The following PIK3CB variants were observed in gnomAD, a reference collection of about 807,000 sequenced individuals.
PIK3CB encodes phosphatidylinositol-4,5-bisphosphate 3-kinase catalytic subunit beta.
In PIK3CB, 39 loss-of-function variants were observed where a neutral mutation model predicts 136.8. The observed-to-expected ratio is 0.29, with a 90% confidence interval of 0.22 to 0.37. PIK3CB has a LOEUF of 0.37. Ranked by LOEUF, PIK3CB falls within the 10% of genes least tolerant of loss-of-function variation. The probability of loss-of-function intolerance (pLI) is 1.00; values close to 1 mark genes in which losing one functional copy is unlikely to be tolerated. For synonymous variants in PIK3CB, 428 were observed against 436.6 expected, an observed-to-expected ratio of 0.98 and a Z score of 0.25; for missense variants, 868 against 1,275.4, an observed-to-expected ratio of 0.68 and a Z score of 4.87.
At chr3:138,670,587 G>A (rs1252706920) in intron 19 of PIK3CB, among the ~76,000 whole-genome samples, 1 of 152,158 alleles carries the variant, frequency 6.6e-6, no homozygotes, top group Non-Finnish European at 1.5e-5. Context: ...GTAACCAAGT[G>A]GCTGTGTGCC....
chr3:138,692,178 A>C (rs1370886495), intron 14 of PIK3CB, among the ~76,000 whole-genome samples: 1 of 152,234 alleles, frequency 6.6e-6, no homozygotes. Flanking sequence ...TAAGGTATGA[A>C]GCCCAAGTGC....
rs776654607 is a variant in PIK3CB at position 138,712,245 on chromosome 3, A to G, written c.1362T>C (p.Thr454=). ...ACCAGCTGTGTAATATTATGTCTCC[A>G]GTTCTCAATTGTCCTTTAAAGTCAA... The part of the protein sequence containing the change: ...MVFDFKGQLR[T]GDIILHSWSS... Residue 454 remains threonine, a synonymous_variant, in exon 10 of 24, where the codon ACT becomes ACC. Transcript: ENST00000674063. The G allele has an allele frequency of 1.6e-5, 25 of 1,583,648 alleles. No homozygotes were observed. The highest frequency in any genetic ancestry group is 2.1e-5 in the Non-Finnish European group (24 of 1,159,942).
chr3:138,671,506 G>A (rs957521441), intron 19 of PIK3CB, among the ~76,000 whole-genome samples: 3 of 151,998 alleles, frequency 2.0e-5, no homozygotes, highest in Non-Finnish European at 4.4e-5. Context: ...GGTTAAAAAA[G>A]AAAGAAAAAA....
rs2046017067 is a variant in PIK3CB at position 138,788,985 on chromosome 3, AAAAAAAAC to A, written c.-17+7470_-17+7477del. Reference sequence around the variant, plus strand: ...GTCTCAAAAAAAAAAAAAAAAAAAAAAAAAAAACAAAAAACAACACCACAGAGTTTTTT... The same window carrying A: ...GTCTCAAAAAAAAAAAAAAAAAAAAAAAAAAACAACACCACAGAGTTTTTT... On this transcript the variant is annotated intron_variant, in intron 2 of 23. Transcript: ENST00000674063. 2.7e-5 allele frequency among the ~76,000 whole-genome samples: 4 copies of A among 149,890 alleles called. 1 individual carries two copies. The highest frequency in any genetic ancestry group is 5.0e-5 in the African/African-American group (2 of 40,102).
At chr3:138,743,014 T>G (rs1228583784) in intron 4 of PIK3CB, among the ~76,000 whole-genome samples, 1 of 152,094 alleles carries the variant, frequency 6.6e-6, no homozygotes, top group Non-Finnish European at 1.5e-5. Flanking sequence ...AAAATACAAC[T>G]CAAAACCTCA....
intron 1 of PIK3CB, among the ~76,000 whole-genome samples, chr3:138,830,954 A>AAT (rs1559895937): frequency 2.0e-4 from 28 of 138,656 alleles, no homozygotes; most frequent in African/African-American, 5.9e-4. Flanking sequence ...ATAATAATAA[A>AAT]GCAGGAACTC....
chr3:138,653,542 T>A lies in PIK3CB; in HGVS notation c.*1847A>T, dbSNP rs1473490059. 5.5e-6 allele frequency: 1 copy of A among 183,152 alleles called. No individual in the cohort carries two copies. The highest frequency in any genetic ancestry group is 1.2e-5 in the Non-Finnish European group (1 of 86,110). The allele number at this position is 183,152 out of a possible 1,614,324, so 11.3% of individuals were successfully genotyped here. A position where few individuals can be genotyped will look rare whatever the true frequency, so the allele number is the denominator to read the frequency against. On this transcript the variant is annotated 3_prime_UTR_variant, in exon 24 of 24. Transcript: ENST00000674063. ...TTCTCCAAACCACTGACCTGCGGCCTGGTTCATGAAATGGTGGGTGGCTAC... is the reference window on the plus strand; with the variant it reads ...TTCTCCAAACCACTGACCTGCGGCCAGGTTCATGAAATGGTGGGTGGCTAC...
chr3:138,699,493 A>C (rs1263874482), intron 12 of PIK3CB, among the ~76,000 whole-genome samples: 2 of 152,122 alleles, frequency 1.3e-5, no homozygotes, highest in Non-Finnish European at 2.9e-5. Context: ...TTTACAAAAA[A>C]TACAAAATAC....
chr3:138,656,192 T>C lies in PIK3CB; in HGVS notation c.3025A>G (p.Thr1009Ala), dbSNP rs1405294816. 2 of 1,614,082 alleles carry C rather than the reference T, an allele frequency of 1.2e-6. No individual in the cohort carries two copies. Among genetic ancestry groups the C allele is most frequent in the South Asian group, 1.1e-5 (1 of 91,076 alleles). The change falls in exon 23 of 24, where the codon ACT becomes GCT. Residue 1009 changes from threonine to alanine, a missense_variant. Thr to Ala is a moderately conservative substitution (Grantham distance 58). This residue lies in a region of PIK3CB where 88 missense variants were observed against 147.8 expected (regional missense o/e 0.60). Transcript: ENST00000674063. Reference protein sequence around the residue: ...LFITLFALMLTAGLPELTSVK... With the variant: ...LFITLFALMLAAGLPELTSVK... The stretch of plus-strand genomic sequence containing the variant: ...GATGTGAGTTCAGGAAGCCCTGCAG[T>C]CAACATCAGCGCAAAGAGAGTGATG...
intron 2 of PIK3CB, among the ~76,000 whole-genome samples, chr3:138,786,956 T>C (rs554673950): frequency 1.3e-5 from 2 of 152,336 alleles, no homozygotes; most frequent in African/African-American, 2.4e-5. Context: ...GCAAACTGCA[T>C]GACAATCTGA....
intron 16 of PIK3CB, 36 bp downstream of exon 16, chr3:138,688,839 A>G: frequency 7.2e-7 from 1 of 1,390,592 alleles, no homozygotes. Context: ...TGTCTGTCAA[A>G]AAAAGAAAAA....
chr3:138,795,343 A>T (rs2046097618), intron 2 of PIK3CB, among the ~76,000 whole-genome samples: 1 of 145,818 alleles, frequency 6.9e-6, no homozygotes. Flanking sequence ...AAAAAAAAAA[A>T]AGGCCCAGCA....
At chr3:138,705,181 C>G (rs12631204) in intron 11 of PIK3CB, among the ~76,000 whole-genome samples, 2 of 58,526 alleles carry the variant, frequency 3.4e-5, no homozygotes, top group Non-Finnish European at 5.8e-5. Context: ...AAACAAAAAA[C>G]AAAACAAACA....
intron 20 of PIK3CB, among the ~76,000 whole-genome samples, chr3:138,664,374 T>G (rs1428412882): frequency 6.6e-6 from 1 of 152,154 alleles, no homozygotes; most frequent in Non-Finnish European, 1.5e-5. Flanking sequence ...TTTAGTTAGT[T>G]TTGACCAAAG....
chr3:138,790,545 C>G (rs1351038144), intron 2 of PIK3CB, among the ~76,000 whole-genome samples: 1 of 150,506 alleles, frequency 6.6e-6, no homozygotes, highest in Non-Finnish European at 1.5e-5. Flanking sequence ...TGGCTCATGC[C>G]TGGAAGCCCA....
At chr3:138,733,549 A>G in intron 7 of PIK3CB, 111 bp from the exon 8 acceptor site, 1 of 573,340 alleles carries the variant, frequency 1.7e-6, no homozygotes, top group East Asian at 3.1e-5. Flanking sequence ...CTATGAAAAT[A>G]GAGCTCTAAA....
intron 6 of PIK3CB, among the ~76,000 whole-genome samples, chr3:138,736,434 A>AAAC (rs761096950): frequency 2.6e-5 from 4 of 152,240 alleles, no homozygotes; most frequent in Admixed American, 6.5e-5. Flanking sequence ...CCTCTTGTTT[A>AAAC]AACAACAACA....
chr3:138,652,986 TAAC>T lies in PIK3CB; in HGVS notation c.*2400_*2402del, dbSNP rs777354558. The stretch of plus-strand genomic sequence containing the variant: ...CACTTGGAGAATGATTGCTATAGAT[TAAC>T]AACAATGAAACTTACAATAAAGTCA... On this transcript the variant is annotated 3_prime_UTR_variant, in exon 24 of 24. Coordinates refer to ENST00000674063, the MANE Select transcript of PIK3CB (RefSeq NM_006219.3). 5 of 213,886 alleles carry T rather than the reference TAAC, an allele frequency of 2.3e-5. No individual in the cohort carries two copies. The highest frequency in any genetic ancestry group is 4.7e-5 in the Non-Finnish European group (5 of 106,090). 13.2% of individuals were successfully genotyped at this position (213,886 alleles called of 1,614,324 possible). A position where few individuals can be genotyped will look rare whatever the true frequency, so the allele number is the denominator to read the frequency against.
At chr3:138,804,271 TG>T (rs2046206866) in intron 1 of PIK3CB, among the ~76,000 whole-genome samples, 1 of 152,194 alleles carries the variant, frequency 6.6e-6, no homozygotes, top group South Asian at 2.1e-4. Context: ...CCTAGCACTT[TG>T]GGAGGCCAAG....
Sources: gnomAD v4.1 joint callset for allele counts (sites outside exome capture counted in the v4.1 genomes callset) on GRCh38, gnomAD v4.1.1 for gene constraint, gnomAD v4.1.1 regional missense constraint, MANE v1.5 for transcripts, NCBI Gene and HGNC (gene_info 2026-07-23, HGNC 2026-07-21) for gene names.